The following FOXP4 variants were observed in gnomAD, a reference collection of about 807,000 sequenced individuals.
FOXP4 encodes forkhead box protein P4.
A neutral mutation model predicts 82.6 loss-of-function variants in FOXP4; 25 were observed. That is an observed-to-expected ratio of 0.30 (90% CI 0.22 to 0.42). FOXP4 has a LOEUF of 0.42. Ranked by LOEUF, FOXP4 falls within the 10% of genes least tolerant of loss-of-function variation. The probability of loss-of-function intolerance (pLI) is 1.00; values close to 1 mark genes in which losing one functional copy is unlikely to be tolerated. For synonymous variants in FOXP4, 415 were observed against 388.2 expected (o/e 1.07, Z -0.81); for missense variants, 785 against 900.9 (o/e 0.87, Z 1.65).
At chr6:41,563,310 A>T (rs187870893) in intron 1 of FOXP4, among the ~76,000 whole-genome samples, 86 of 152,254 alleles carry the variant, frequency 5.6e-4, no homozygotes, top group Non-Finnish European at 9.1e-4. Flanking sequence ...GGCTTGGTAG[A>T]GTGAGGGAGA....
chr6:41,573,855 A>G (rs796689636), intron 2 of FOXP4, among the ~76,000 whole-genome samples: 9 of 152,304 alleles, frequency 5.9e-5, no homozygotes, highest in East Asian at 1.9e-4. Context: ...ACGTCCATGC[A>G]TGAATGGACA....
rs963447000 is a variant in FOXP4 at position 41,558,736 on chromosome 6, G to A, written c.-16-7009G>A. 6.6e-6 allele frequency among the ~76,000 whole-genome samples: 1 copy of A among 152,214 alleles called. No individual in the cohort carries two copies. Among genetic ancestry groups the A allele is most frequent in the African/African-American group, 2.4e-5 (1 of 41,454 alleles). On this transcript the variant is annotated intron_variant, in intron 1 of 16. Coordinates refer to ENST00000307972, the MANE Select transcript of FOXP4 (RefSeq NM_001012426.2). The surrounding 1 kb of genome is among the most constrained non-coding windows in gnomAD (Gnocchi z 4.0). ...GAAGCCAGAAGCCAGTGGGCCTCTGGGGCCAGGGCTGAATGGGGGAGGCTG... is the reference window on the plus strand; with the variant it reads ...GAAGCCAGAAGCCAGTGGGCCTCTGAGGCCAGGGCTGAATGGGGGAGGCTG...
rs1767201071 is a variant in FOXP4 at position 41,601,181 on chromosome 6, T to C, written c.*2245T>C. 1 of 152,290 alleles carries C rather than the reference T, an allele frequency of 6.6e-6. No homozygotes were observed. The highest frequency in any genetic ancestry group is 2.1e-4 in the South Asian group (1 of 4,826). The allele number at this position is 152,290 out of a possible 1,614,324, so 9.4% of individuals were successfully genotyped here. ...CCATTAGTGTGCGTGCACACCCACG[T>C]GGCACACTGTGTGGTGACCATGGTC... On this transcript the variant is annotated 3_prime_UTR_variant, in exon 17 of 17. Transcript: ENST00000307972.
intron 1 of FOXP4, among the ~76,000 whole-genome samples, chr6:41,556,516 G>A (rs938366466): frequency 6.6e-6 from 1 of 152,072 alleles, no homozygotes; most frequent in African/African-American, 2.4e-5. Context: ...AGTAGAGATA[G>A]GGTTTCACCA....
In FOXP4 at chr6:41,584,838, C is replaced by T. The variant is rs1766009102; in HGVS notation, c.370C>T (p.Pro124Ser). 1 of 1,610,166 alleles carries T rather than the reference C, an allele frequency of 6.2e-7. No homozygotes were observed. Among genetic ancestry groups the T allele is most frequent in the Middle Eastern group, 1.7e-4 (1 of 6,052 alleles). The change falls in exon 4 of 17, where the codon CCC becomes TCC. Residue 124 changes from proline to serine, a missense_variant. Physicochemically the swap from Pro to Ser is moderately conservative, Grantham distance 74 (BLOSUM62 -1). This residue lies in a region of FOXP4 where 570 missense variants were observed against 634.0 expected (regional missense o/e 0.90). Transcript: ENST00000307972. Reference sequence around the variant, plus strand: ...GCAACAGATGCAGCAGATCCTGTCGCCCCCGCAGCTGCAGGCCTTGCTCCA... The same window carrying T: ...GCAACAGATGCAGCAGATCCTGTCGTCCCCGCAGCTGCAGGCCTTGCTCCA... Reference protein sequence around the residue: ...TPQQMQQILSPPQLQALLQQQ... With the variant: ...TPQQMQQILSSPQLQALLQQQ...
intron 2 of FOXP4, among the ~76,000 whole-genome samples, chr6:41,573,536 G>T (rs1473830630): frequency 1.3e-5 from 2 of 152,092 alleles, no homozygotes; most frequent in East Asian, 3.9e-4. Context: ...AGCTTGAGGG[G>T]GAATGGGGGC....
Position 41,546,600 on chromosome 6 carries a change from G to T in FOXP4, c.-284G>T. 6.7e-6 allele frequency: 1 copy of T among 148,688 alleles called. No homozygotes were observed. Among genetic ancestry groups the T allele is most frequent in the South Asian group, 1.8e-4 (1 of 5,510 alleles). The allele number at this position is 148,688 out of a possible 1,614,324, so 9.2% of individuals were successfully genotyped here. On this transcript the variant is annotated 5_prime_UTR_variant, in exon 1 of 17. Coordinates refer to ENST00000307972, the MANE Select transcript of FOXP4 (RefSeq NM_001012426.2). ...GGTCCGGGAGCCCGGGAGCCGGAGC[G>T]AGCTGACGAGCGTCGCGGAAGGACC... is the stretch of plus-strand genomic sequence containing the variant.
chr6:41,547,759 C>T (rs1192848351), intron 1 of FOXP4, among the ~76,000 whole-genome samples: 1 of 151,616 alleles, frequency 6.6e-6, no homozygotes, highest in East Asian at 2.0e-4. Context: ...GGGAAGGAGC[C>T]CGGAGTGACC....
At chr6:41,570,377 C>T (rs1053529435) in intron 2 of FOXP4, 1 of 471,294 alleles carries the variant, frequency 2.1e-6, no homozygotes, top group Middle Eastern at 3.3e-4. Context: ...ACTGCCCTTT[C>T]CTCCTTGGCC....
At chr6:41,594,801 G>C (rs1766726552) in intron 13 of FOXP4, 69 bp from the exon 14 acceptor site, 1 of 1,599,412 alleles carries the variant, frequency 6.3e-7, no homozygotes, top group Admixed American at 1.7e-5. Context: ...CATGGGATGG[G>C]ATGAGGACTA....
chr6:41,574,405 A>T (rs544896386), intron 2 of FOXP4, among the ~76,000 whole-genome samples: 1 of 152,182 alleles, frequency 6.6e-6, no homozygotes, highest in East Asian at 1.9e-4. Flanking sequence ...ACCTAGCTCA[A>T]TGTTGTGAAG....
rs529497183 is a variant in FOXP4, at chr6:41,599,204, A to T, written c.*268A>T. 3 of 310,672 alleles carry T rather than the reference A, an allele frequency of 9.7e-6. No individual in the cohort carries two copies. Among genetic ancestry groups the T allele is most frequent in the South Asian group, 1.9e-4 (2 of 10,738 alleles). 19.2% of individuals were successfully genotyped at this position (310,672 alleles called of 1,614,324 possible). On this transcript the variant is annotated 3_prime_UTR_variant, in exon 17 of 17. Coordinates refer to ENST00000307972, the MANE Select transcript of FOXP4 (RefSeq NM_001012426.2). ...CTCCTCAGACCCTCCCCACATCTGA[A>T]ACTGCCTCCCCCCAACCACCAGCAG...
intron 15 of FOXP4, 69 bp from the exon 16 acceptor site, chr6:41,597,712 C>T (rs1766934918): frequency 6.5e-7 from 1 of 1,538,306 alleles, no homozygotes; most frequent in Non-Finnish European, 8.7e-7. Context: ...GCGGGGAAGG[C>T]ACAGCACTTG....
At chr6:41,586,865 A>G (rs1179964157) in intron 5 of FOXP4, 144 bp from the exon 6 acceptor site, 3 of 1,353,768 alleles carry the variant, frequency 2.2e-6, no homozygotes, top group Non-Finnish European at 2.9e-6. Flanking sequence ...GGCCGGGAGC[A>G]GAGACACTGC....
At chr6:41,578,548 C>A (rs1230730384) in intron 3 of FOXP4, among the ~76,000 whole-genome samples, 1 of 151,924 alleles carries the variant, frequency 6.6e-6, no homozygotes, top group Non-Finnish European at 1.5e-5. Flanking sequence ...CCCCCCTTAT[C>A]CCTCATCCAC....
chr6:41,572,429 G>C (rs1765254755), intron 2 of FOXP4, among the ~76,000 whole-genome samples: 2 of 152,210 alleles, frequency 1.3e-5, no homozygotes, highest in South Asian at 4.1e-4. Context: ...TGAGTCCCCA[G>C]TACTGAGGAC....
chr6:41,569,905 C>G (rs1031966785), intron 2 of FOXP4, among the ~76,000 whole-genome samples: 1 of 151,940 alleles, frequency 6.6e-6, no homozygotes, highest in Non-Finnish European at 1.5e-5. Context: ...CTCACCCCCC[C>G]TTCAAAGAGA....
Position 41,591,734 on chromosome 6 carries a change from G to A in FOXP4, c.1536+412G>A, listed in dbSNP as rs1390208853. Among the ~76,000 whole-genome samples, 5 of 152,200 alleles carry A rather than the reference G, an allele frequency of 3.3e-5. No individual in the cohort carries two copies. Among genetic ancestry groups the A allele is most frequent in the African/African-American group, 1.2e-4 (5 of 41,440 alleles). On this transcript the variant is annotated intron_variant, in intron 13 of 16. Transcript: ENST00000307972. The surrounding 1 kb of genome is among the most constrained non-coding windows in gnomAD (Gnocchi z 4.2). Reference sequence around the variant, plus strand: ...TACATGTTCTGAAGCCTGAGGTGGGGCTAGGAAAGCGCAGGTATAGACACA... The same window carrying A: ...TACATGTTCTGAAGCCTGAGGTGGGACTAGGAAAGCGCAGGTATAGACACA...
chr6:41,561,138 G>A (rs1764557464), intron 1 of FOXP4, among the ~76,000 whole-genome samples: 1 of 152,220 alleles, frequency 6.6e-6, no homozygotes, highest in African/African-American at 2.4e-5. Context: ...GGCAGCCGCG[G>A]CTTTGACCCA....
Sources: allele counts gnomAD v4.1 joint callset (sites outside exome capture counted in the v4.1 genomes callset), GRCh38; gene constraint gnomAD v4.1.1; regional missense constraint gnomAD v4.1.1; non-coding constraint Gnocchi (gnomAD v3.1); transcripts MANE v1.5; gene names NCBI Gene and HGNC (gene_info 2026-07-23, HGNC 2026-07-21).